KIF7: variants seen among roughly 807,000 people sequenced by gnomAD.
The protein encoded by KIF7 is kinesin-like protein KIF7.
Under a neutral mutation model 135.7 loss-of-function variants are expected in KIF7, and 104 were observed. The observed-to-expected ratio is 0.77, with a 90% CI of 0.65 to 0.90. The LOEUF is 0.90. Ranked by LOEUF, KIF7 falls within the 40% of genes least tolerant of loss-of-function variation. KIF7 has a pLI of 0.00. For synonymous variants in KIF7, 883 were observed against 809.4 expected (o/e 1.09, Z -1.54); for missense variants, 2,005 against 1,839.1 (o/e 1.09, Z -1.65).
At chr15:89,631,911 G>A (rs1963687580) in intron 14 of KIF7, among the ~76,000 whole-genome samples, 1 of 152,198 alleles carries the variant, frequency 6.6e-6, no homozygotes, top group African/African-American at 2.4e-5. Context: ...ATTTGCAGAG[G>A]GGCACTCAGA....
Position 89,645,084 on chromosome 15 carries a change from T to C in KIF7, c.2120A>G (p.Gln707Arg). ...GATAGCCAGCTCCCGGATCTTCTGC[T>C]GGGCCTGGGCCAGCCGCCACTCTGA... ...TASEWRLAQA[Q>R]QKIRELAINI... Residue 707 changes from glutamine to arginine, a missense_variant, in exon 10 of 19, where the codon CAG becomes CGG. Physicochemically the swap from Gln to Arg is conservative, Grantham distance 43 (BLOSUM62 1). Transcript: ENST00000394412. 6.2e-7 allele frequency: 1 copy of C among 1,602,536 alleles called. No homozygotes were observed. The highest frequency in any genetic ancestry group is 8.5e-7 in the Non-Finnish European group (1 of 1,179,948).
chr15:89,632,868 C>T lies in KIF7; in HGVS notation c.2847G>A (p.Leu949=), dbSNP rs147069469. The T allele has an allele frequency of 2.5e-6, 4 of 1,610,156 alleles. No homozygotes were observed. The African/African-American group carries it at 4.0e-5, about 16-fold the overall frequency. Residue 949 remains leucine, a synonymous_variant, in exon 14 of 19, where the codon CTG becomes CTA. Coordinates refer to ENST00000394412, the MANE Select transcript of KIF7 (RefSeq NM_198525.3). ...TCTCCAGCCCCGTCTTCTCCTGCATCAGGGCCTCCTTCTTGGCCAGGATGG... is the reference window on the plus strand; with the variant it reads ...TCTCCAGCCCCGTCTTCTCCTGCATTAGGGCCTCCTTCTTGGCCAGGATGG... The part of the protein sequence containing the change: ...REAILAKKEA[L]MQEKTGLESK...
downstream of KIF7, chr15:89,627,199 C>A: frequency 7.6e-7 from 1 of 1,318,436 alleles, no homozygotes; most frequent in Non-Finnish European, 1.1e-6. Flanking sequence ...GTTCAGATTG[C>A]CATTAGAATG....
chr15:89,649,132 G>A lies in KIF7; in HGVS notation c.765C>T (p.Gly255=), dbSNP rs1400334918. 5 of 1,547,818 alleles carry A rather than the reference G, an allele frequency of 3.2e-6. No homozygotes were observed. Among genetic ancestry groups the A allele is most frequent in the African/African-American group, 2.7e-5 (2 of 73,146 alleles). The stretch of plus-strand genomic sequence containing the variant: ...TGCCCGTCTTGAGCACCCTCTCTGA[G>A]CCCGCCAGGTCCACGAAGTGGAACT... ...VSKFHFVDLA[G]SERVLKTGST... is the part of the protein sequence containing the mutation. Residue 255 remains glycine (G), a synonymous_variant, in exon 4 of 19, where the codon GGC becomes GGT. Coordinates refer to ENST00000394412, the MANE Select transcript of KIF7 (RefSeq NM_198525.3).
exon 2 of KIF7, chr15:89,618,086 C>G: frequency 6.7e-7 from 1 of 1,499,534 alleles, no homozygotes; most frequent in South Asian, 1.1e-5. Context: ...GAGAAGCTGC[C>G]TGTCTCCTTA....
chr15:89,655,076 G>A (rs1382269417), intron 1 of KIF7, among the ~76,000 whole-genome samples: 4 of 152,194 alleles, frequency 2.6e-5, no homozygotes, highest in Non-Finnish European at 5.9e-5. Context: ...GGAGGCGGCG[G>A]GCGCGGGACG....
At chr15:89,638,659 G>A (rs2142011052) in intron 11 of KIF7, among the ~76,000 whole-genome samples, 1 of 150,818 alleles carries the variant, frequency 6.6e-6, no homozygotes, top group Admixed American at 6.6e-5. Flanking sequence ...ACAAACAAAT[G>A]GAAGAACATT....
In KIF7 at chr15:89,620,400, G is replaced by A. The variant is rs1963405045; in HGVS notation, c.181-2205C>T. ...ATTTTTTGTTTTTAGTAAAGACTGGGTTTCACCATGTTGCCCAGGCTGGTC... is the reference window on the plus strand; with the variant it reads ...ATTTTTTGTTTTTAGTAAAGACTGGATTTCACCATGTTGCCCAGGCTGGTC... On this transcript the variant is annotated intron_variant and NMD_transcript_variant, in intron 1 of 2. Transcript: ENST00000558928. Among the ~76,000 whole-genome samples the A allele has an allele frequency of 2.6e-5, 4 of 151,900 alleles. No homozygotes were observed. The South Asian group carries it at 8.3e-4, about 32-fold the overall frequency.
rs145324453 is a variant in KIF7 at position 89,642,370 on chromosome 15, G to T, written c.2227C>A (p.Gln743Lys). Residue 743 changes from glutamine (Q) to lysine (K), a missense_variant, in exon 11 of 19, where the codon CAG becomes AAG. Gln to Lys is a moderately conservative substitution (Grantham distance 53). Coordinates refer to ENST00000394412, the MANE Select transcript of KIF7 (RefSeq NM_198525.3). ...AAQALNRQHS[Q>K]RIRELEQEAE... is the part of the protein sequence containing the mutation. ...TCCTGCTCCAGCTCCCGGATACGCT[G>T]GCTGTGCTGGCGGTTCAGGGCCTGA... 18 of 1,608,186 alleles carry T rather than the reference G, an allele frequency of 1.1e-5. No homozygotes were observed. Among genetic ancestry groups the T allele is most frequent in the Middle Eastern group, 1.8e-4 (1 of 5,486 alleles).
chr15:89,634,994 T>A (rs1434906359), intron 11 of KIF7, among the ~76,000 whole-genome samples: 1 of 152,236 alleles, frequency 6.6e-6, no homozygotes, highest in African/African-American at 2.4e-5. Context: ...ACAGGCAGAC[T>A]GCCTCCTCAA....
chr15:89,632,995 T>C lies in KIF7; in HGVS notation c.2720A>G (p.Lys907Arg). ...CAGCCACTTCTTCTGCTCCTCAATC[T>C]TCTAAGGAAAAGTAGGGAGGGAGGG... Reference protein sequence around the residue: ...GSVVSLEQQQKIEEQKKWLDQ... With the variant: ...GSVVSLEQQQRIEEQKKWLDQ... The change falls in exon 14 of 19, where the codon AAG (lysine) becomes AGG (arginine). Residue 907 changes from lysine to arginine, a missense_variant and splice_region_variant. Coordinates refer to ENST00000394412, the MANE Select transcript of KIF7 (RefSeq NM_198525.3). 1.3e-6 allele frequency: 1 copy of C among 789,578 alleles called. No individual in the cohort carries two copies. 48.9% of individuals were successfully genotyped at this position (789,578 alleles called of 1,614,324 possible). A position where few individuals can be genotyped will look rare whatever the true frequency, so the allele number is the denominator to read the frequency against.
At chr15:89,627,095 A>G (rs1488694556), downstream of KIF7, 1 of 1,613,696 alleles carries the variant, frequency 6.2e-7, no homozygotes, top group Non-Finnish European at 8.5e-7. Flanking sequence ...AGCCACAAAC[A>G]TTACTGAGCC....
At chr15:89,627,192 CAG>C (rs1460235607), downstream of KIF7, 21 of 1,405,134 alleles carry the variant, frequency 1.5e-5, no homozygotes, top group African/African-American at 2.6e-4. Flanking sequence ...GGTCAGTGTT[CAG>C]ATTGCCATTA....
intron 11 of KIF7, among the ~76,000 whole-genome samples, chr15:89,634,144 C>A (rs1324624779): frequency 1.3e-5 from 2 of 152,068 alleles, no homozygotes; most frequent in African/African-American, 4.8e-5. Flanking sequence ...ACTAAAAATA[C>A]AAAAATTAGC....
downstream of KIF7, chr15:89,623,513 A>G: frequency 8.8e-7 from 1 of 1,136,498 alleles, no homozygotes; most frequent in East Asian, 2.4e-5. Flanking sequence ...TCTTTAGATC[A>G]TTCCTTTGGC....
rs958419453 is a variant in KIF7, at chr15:89,648,330, G to A, written c.1368C>T (p.Ser456=). 2 of 1,505,298 alleles carry A rather than the reference G, an allele frequency of 1.3e-6. No individual in the cohort carries two copies. The highest frequency in any genetic ancestry group is 1.4e-5 in the African/African-American group (1 of 71,124). The allele number at this position is 1,505,298 out of a possible 1,614,324, so 93.2% of individuals were successfully genotyped here. A position where few individuals can be genotyped will look rare whatever the true frequency, so the allele number is the denominator to read the frequency against. Residue 456 remains serine, a synonymous_variant, in exon 5 of 19, where the codon TCC becomes TCT. Transcript: ENST00000394412. ...AVEGERSALS[S]ASGPDSGIES... ...CGATGCCGCTATCGGGCCCGGAGGCGGAGCTCAGGGCGCTGCGCTCGCCCT... is the reference window on the plus strand; with the variant it reads ...CGATGCCGCTATCGGGCCCGGAGGCAGAGCTCAGGGCGCTGCGCTCGCCCT...
chr15:89,651,170 G>A (rs1488993263), intron 2 of KIF7, among the ~76,000 whole-genome samples: 2 of 152,090 alleles, frequency 1.3e-5, no homozygotes, highest in African/African-American at 4.8e-5. Flanking sequence ...CCAGATCTCG[G>A]CTCACTGCAA....
Position 89,631,525 on chromosome 15 carries a change from C to A in KIF7, c.3081G>T (p.Lys1027Asn), listed in dbSNP as rs867766839. 6.3e-7 allele frequency: 1 copy of A among 1,582,448 alleles called. No homozygotes were observed. ...LLKQRLEIDG[K>N]LRQGSLLSPE... ...GGGACAGCAGACTCCCCTGCCTCAG[C>A]TTGCCGTCGATCTCCAGGCGCTGCT... is the stretch of plus-strand genomic sequence containing the variant. Residue 1027 changes from lysine (K) to asparagine (N), a missense_variant, in exon 15 of 19, where the codon AAG (lysine) becomes AAT (asparagine). By Grantham distance (94) the Lys-to-Asn change is moderately conservative (BLOSUM62 0). Transcript: ENST00000394412.
intron 1 of KIF7, among the ~76,000 whole-genome samples, chr15:89,653,886 C>T (rs753296494): frequency 1.3e-5 from 2 of 152,082 alleles, no homozygotes; most frequent in Non-Finnish European, 2.9e-5. Context: ...TCAGCCACTG[C>T]GCCTCAGAGG....
Sources: allele counts gnomAD v4.1 joint callset (sites outside exome capture counted in the v4.1 genomes callset), GRCh38; gene constraint gnomAD v4.1.1; transcripts MANE v1.5; gene names NCBI Gene and HGNC (gene_info 2026-07-23, HGNC 2026-07-21).